The following SERHL2 variants were observed in gnomAD, a reference collection of about 807,000 sequenced individuals.
SERHL2 encodes serine hydrolase like 2, also known as serine hydrolase-like protein 2.
Under a neutral mutation model 25.5 loss-of-function variants are expected in SERHL2, and 29 were observed. The observed-to-expected ratio is 1.14, with a 90% CI of 0.85 to 1.55. The LOEUF is 1.55. Ranked by LOEUF, SERHL2 falls within the 40% of genes most tolerant of loss-of-function variation. The probability of loss-of-function intolerance (pLI) is 0.00; values close to 1 mark genes in which losing one functional copy is unlikely to be tolerated. For missense variants in SERHL2, 240 were observed against 252.3 expected, an observed-to-expected ratio of 0.95 and a Z score of 0.33; for synonymous variants, 95 against 103.5, an observed-to-expected ratio of 0.92 and a Z score of 0.50.
At chr22:42,568,130 C>T (rs1382200556) in intron 9 of SERHL2, among the ~76,000 whole-genome samples, 1 of 151,870 alleles carries the variant, frequency 6.6e-6, no homozygotes, top group Non-Finnish European at 1.5e-5. Context: ...CTGAAGTGAT[C>T]TTCCCACCTC....
chr22:42,560,109 C>A lies in SERHL2; in HGVS notation c.534-77C>A, dbSNP rs1254133897. The A allele has an allele frequency of 8.3e-6, 9 of 1,087,982 alleles. No homozygotes were observed. In the South Asian group the frequency reaches 1.0e-4, roughly 12 times the overall value. 67.4% of individuals were successfully genotyped at this position (1,087,982 alleles called of 1,614,324 possible). Reference sequence around the variant, plus strand: ...TTACAGGCATGAGCCACCGTCCCCCCCGGCCCTCCTCTCCTTTTTATCTGA... The same window carrying A: ...TTACAGGCATGAGCCACCGTCCCCCACGGCCCTCCTCTCCTTTTTATCTGA... On this transcript the variant is annotated intron_variant, in intron 7 of 11. Coordinates refer to ENST00000327678, the MANE Select transcript of SERHL2 (RefSeq NM_014509.5).
chr22:42,574,088 C>T lies in SERHL2; in HGVS notation c.*33C>T. On this transcript the variant is annotated 3_prime_UTR_variant, in exon 12 of 12. Coordinates refer to ENST00000327678, the MANE Select transcript of SERHL2 (RefSeq NM_014509.5). ...CCTGGAACTATGAAGACCTAGTGCT[C>T]CCAGACTCAACACTGGGACTCTGAG... is the stretch of plus-strand genomic sequence containing the variant. 1 of 1,601,810 alleles carries T rather than the reference C, an allele frequency of 6.2e-7. No individual in the cohort carries two copies. Among genetic ancestry groups the T allele is most frequent in the Non-Finnish European group, 8.5e-7 (1 of 1,169,852 alleles).
chr22:42,565,243 G>A (rs1923211055), intron 8 of SERHL2: 1 of 152,902 alleles, frequency 6.5e-6, no homozygotes, highest in Non-Finnish European at 1.5e-5. Flanking sequence ...AGGAAGGGAG[G>A]GGACACCCGC....
intron 8 of SERHL2, among the ~76,000 whole-genome samples, chr22:42,562,121 C>G (rs982334060): frequency 5.3e-5 from 8 of 151,696 alleles, no homozygotes; most frequent in Non-Finnish European, 1.0e-4. Context: ...CAGACAAGCC[C>G]TCTGCAGCAG....
chr22:42,571,007 T>A lies in SERHL2; in HGVS notation c.649-114T>A. 6.7e-6 allele frequency: 10 copies of A among 1,503,618 alleles called. 1 individual carries two copies. The highest frequency in any genetic ancestry group is 1.9e-5 in the Admixed American group (1 of 53,874). 93.1% of individuals were successfully genotyped at this position (1,503,618 alleles called of 1,614,324 possible). A position where few individuals can be genotyped will look rare whatever the true frequency, so the allele number is the denominator to read the frequency against. On this transcript the variant is annotated intron_variant, in intron 9 of 11. Transcript: ENST00000327678. ...TGGGGTCCTGGGCTCAGACCCAGGG[T>A]GGGTGGCTAAGGTGCCCTCGCCAGG...
At chr22:42,573,818 G>A (rs1011065668) in intron 11 of SERHL2, 118 bp from the exon 12 acceptor site, 12 of 910,984 alleles carry the variant, frequency 1.3e-5, no homozygotes, top group Non-Finnish European at 2.1e-5. Flanking sequence ...CTCACTGTGG[G>A]AGGCGCTCCT....
intron 8 of SERHL2, among the ~76,000 whole-genome samples, chr22:42,560,523 G>C (rs1422569838): frequency 2.0e-5 from 3 of 151,764 alleles, no homozygotes; most frequent in African/African-American, 7.3e-5. Flanking sequence ...CAGGTGTCTT[G>C]GACTAAATGT....
Position 42,573,980 on chromosome 22 carries a change from G to C in SERHL2, c.870G>C (p.Met290Ile), listed in dbSNP as rs201479838. Reference protein sequence around the residue: ...VEVPGNHCVHMSEPQHVASII... With the variant: ...VEVPGNHCVHISEPQHVASII... The stretch of plus-strand genomic sequence containing the variant: ...TCCCAGGCAATCACTGTGTCCACAT[G>C]AGCGAACCCCAGCACGTGGCCAGTA... Residue 290 changes from methionine (M) to isoleucine (I), a missense_variant, in exon 12 of 12, where the codon ATG becomes ATC. By Grantham distance (10) the Met-to-Ile change is conservative. Around this residue, in one of 4 missense-constraint regions of SERHL2, gnomAD observed 212 missense variants for 168.9 expected, o/e 1.25. Coordinates refer to ENST00000327678, the MANE Select transcript of SERHL2 (RefSeq NM_014509.5). 2 of 1,602,572 alleles carry C rather than the reference G, an allele frequency of 1.2e-6. No individual in the cohort carries two copies. The highest frequency in any genetic ancestry group is 8.5e-7 in the Non-Finnish European group (1 of 1,173,114).
chr22:42,554,083 C>A, intron 1 of SERHL2, 41 bp downstream of exon 1: 8 of 1,608,652 alleles, frequency 5.0e-6, no homozygotes, highest in Non-Finnish European at 6.8e-6. Flanking sequence ...CACTGCCCAC[C>A]CACCTGGTTG....
At chr22:42,573,686 T>G in intron 11 of SERHL2, 1 of 542,658 alleles carries the variant, frequency 1.8e-6, no homozygotes, top group East Asian at 3.3e-5. Flanking sequence ...GCCCTGTCCC[T>G]GCCATGCAAC....
intron 10 of SERHL2, among the ~76,000 whole-genome samples, chr22:42,572,110 C>G (rs1241244560): frequency 6.6e-6 from 1 of 152,106 alleles, no homozygotes; most frequent in East Asian, 1.9e-4. Context: ...GACATAAATT[C>G]TCTCTCAGAG....
chr22:42,564,004 G>C (rs2146703507), intron 8 of SERHL2, among the ~76,000 whole-genome samples: 1 of 151,824 alleles, frequency 6.6e-6, no homozygotes, highest in South Asian at 2.1e-4. Flanking sequence ...ACCGGGAGGT[G>C]GAGGTTGCAG....
chr22:42,561,166 C>T (rs1358970396), intron 8 of SERHL2, among the ~76,000 whole-genome samples: 4 of 151,930 alleles, frequency 2.6e-5, no homozygotes, highest in Non-Finnish European at 5.9e-5. Flanking sequence ...ATACATGGTG[C>T]TCTAGAAGAG....
At chr22:42,559,863 G>C (rs1378119149) in intron 7 of SERHL2, among the ~76,000 whole-genome samples, 4 of 151,950 alleles carry the variant, frequency 2.6e-5, no homozygotes, top group African/African-American at 9.7e-5. Flanking sequence ...CCAGGCTAGA[G>C]TGCAGTGGCA....
chr22:42,566,564 AAAAAC>A (rs2146720800), intron 9 of SERHL2, among the ~76,000 whole-genome samples: 1 of 151,672 alleles, frequency 6.6e-6, no homozygotes, highest in Admixed American at 6.6e-5. Context: ...TCAAGAAAAA[AAAAAC>A]AAAAGAAATT....
rs140100956 is a variant in SERHL2, at chr22:42,572,493, G to A, written c.789G>A (p.Ser263=). ...RQNYSEKESL[S]FMIDTMKSTL... is the part of the protein sequence containing the mutation. ...ATTACTCTGAGAAGGAGTCCCTGTC[G>A]TTCATGATAGACACGATGAAATCCA... Residue 263 remains serine, a synonymous_variant, in exon 11 of 12, where the codon TCG becomes TCA. Transcript: ENST00000327678. 1.2e-5 allele frequency: 19 copies of A among 1,611,806 alleles called. No homozygotes were observed. Among genetic ancestry groups the A allele is most frequent in the African/African-American group, 1.1e-4 (8 of 74,922 alleles).
rs1223978150 is a variant in SERHL2, at chr22:42,559,031, C to T, written c.533+574C>T. ...TGTCTGAAGGAGGAGAAGCCCCCCA[C>T]TGCCCCACCACACGCACGCGCACAC... On this transcript the variant is annotated intron_variant, in intron 7 of 11. Transcript: ENST00000327678. Among the ~76,000 whole-genome samples, 4 of 57,488 alleles carry T rather than the reference C, an allele frequency of 7.0e-5. No homozygotes were observed. In the Admixed American group the frequency reaches 7.3e-4, roughly 11 times the overall value. 37.7% of individuals were successfully genotyped at this position (57,488 alleles called of 152,430 possible).
At chr22:42,560,550 C>T (rs1433110608) in intron 8 of SERHL2, among the ~76,000 whole-genome samples, 2 of 151,902 alleles carry the variant, frequency 1.3e-5, no homozygotes, top group Non-Finnish European at 1.5e-5. Context: ...ATGTCACGGC[C>T]ATGCTCTGCT....
At chr22:42,565,894 C>A (rs1450958286) in intron 8 of SERHL2, among the ~76,000 whole-genome samples, 5 of 151,898 alleles carry the variant, frequency 3.3e-5, no homozygotes, top group African/African-American at 9.7e-5. Context: ...TGCTCTGTCG[C>A]CTAGGCTGGA....
Sources: gnomAD v4.1 joint callset for allele counts (sites outside exome capture counted in the v4.1 genomes callset) on GRCh38, gnomAD v4.1.1 for gene constraint, gnomAD v4.1.1 regional missense constraint, MANE v1.5 for transcripts, NCBI Gene and HGNC (gene_info 2026-07-23, HGNC 2026-07-21) for gene names.